The following NRG3 variants were observed in gnomAD, a reference collection of about 807,000 sequenced individuals.
NRG3 encodes neuregulin 3.
Under a neutral mutation model 66.9 loss-of-function variants are expected in NRG3, and 31 were observed. The observed-to-expected ratio is 0.46, with a 90% CI of 0.35 to 0.63. NRG3 has a LOEUF of 0.63. Among genes scored for constraint, NRG3 ranks in the 20% least tolerant of loss-of-function variants. The pLI is 0.00. For synonymous variants in NRG3, 393 were observed against 359.4 expected, an observed-to-expected ratio of 1.09 and a Z score of -1.06; for missense variants, 910 against 878.9, an observed-to-expected ratio of 1.04 and a Z score of -0.45.
chr10:82,914,002 C>G (rs1211117367), intron 4 of NRG3, among the ~76,000 whole-genome samples: 1 of 152,054 alleles, frequency 6.6e-6, no homozygotes. Context: ...TTATTTTTCT[C>G]TTTGCTTTTC....
intron 2 of NRG3, among the ~76,000 whole-genome samples, chr10:82,569,287 T>A (rs1020270151): frequency 4.0e-5 from 6 of 151,750 alleles, no homozygotes; most frequent in Non-Finnish European, 8.8e-5. Context: ...TTGGATTAGA[T>A]ATTTTAAAAC....
At chr10:82,299,176 G>T (rs1324654848) in intron 1 of NRG3, among the ~76,000 whole-genome samples, 1 of 152,154 alleles carries the variant, frequency 6.6e-6, no homozygotes, top group African/African-American at 2.4e-5. Flanking sequence ...CAAGTGAGAG[G>T]CAAGAAGAGT....
chr10:82,968,625 A>G (rs1162972659), intron 6 of NRG3, among the ~76,000 whole-genome samples: 1 of 148,032 alleles, frequency 6.8e-6, no homozygotes, highest in Non-Finnish European at 1.5e-5. Flanking sequence ...AAGATGAATT[A>G]GGCTTTTTGA....
At chr10:82,043,863 A>G (rs772100156) in intron 1 of NRG3, among the ~76,000 whole-genome samples, 44 of 152,104 alleles carry the variant, frequency 2.9e-4, no homozygotes, top group Non-Finnish European at 6.0e-4. Flanking sequence ...TTCCTGCTGC[A>G]TATTTCTGGT....
rs896730068 is a variant in NRG3, at chr10:82,491,441, A to G, written c.953+132573A>G. 3.3e-5 allele frequency among the ~76,000 whole-genome samples: 5 copies of G among 151,238 alleles called. No homozygotes were observed. The Admixed American group carries it at 3.3e-4, about 10-fold the overall frequency. On this transcript the variant is annotated intron_variant, in intron 2 of 8. Transcript: ENST00000372141. ...AGGGCATAAATTTGGTCTTTTTACC[A>G]CTAGTGTATTTTGAGCACTTAAAAC...
intron 7 of NRG3, among the ~76,000 whole-genome samples, chr10:82,976,599 T>G (rs79339067): frequency 6.6e-6 from 1 of 152,202 alleles, no homozygotes; most frequent in Admixed American, 6.5e-5. Flanking sequence ...ATCTTCCTTT[T>G]GTCACTCCCT....
chr10:82,538,885 A>C (rs1258905446), intron 2 of NRG3, among the ~76,000 whole-genome samples: 1 of 152,144 alleles, frequency 6.6e-6, no homozygotes, highest in Non-Finnish European at 1.5e-5. Flanking sequence ...ATCACCAAAC[A>C]TTGAAGTTTG....
At chr10:82,043,263 G>A (rs1006020794) in intron 1 of NRG3, among the ~76,000 whole-genome samples, 6 of 151,874 alleles carry the variant, frequency 4.0e-5, no homozygotes, top group African/African-American at 1.4e-4. Flanking sequence ...TACCTGAGAG[G>A]GAAGAAAACA....
At chr10:82,150,535 A>AAAAAAAAAAAAAAAAAAAC in intron 1 of NRG3, among the ~76,000 whole-genome samples, 1 of 146,956 alleles carries the variant, frequency 6.8e-6, no homozygotes, top group Non-Finnish European at 1.5e-5. Context: ...ACACACAAAA[A>AAAAAAAAAAAAAAAAAAAC]AAAAAAAAAA....
Position 81,876,137 on chromosome 10 carries a change from C to T in NRG3, c.797C>T (p.Pro266Leu), listed in dbSNP as rs778014606. 1.3e-6 allele frequency: 2 copies of T among 1,598,378 alleles called. No homozygotes were observed. The highest frequency in any genetic ancestry group is 1.7e-6 in the Non-Finnish European group (2 of 1,172,440). ...TCCTCCTCCGCTACCACCACCACAC[C>T]AGAAACTAGCACCAGCCCCAAATTT... Reference protein sequence around the residue: ...SSSSSATTTTPETSTSPKFHT... With the variant: ...SSSSSATTTTLETSTSPKFHT... The change falls in exon 1 of 9, where the codon CCA (proline) becomes CTA (leucine). Residue 266 changes from proline to leucine, a missense_variant. Physicochemically the swap from Pro to Leu is moderately conservative, Grantham distance 98. Transcript: ENST00000372141.
At chr10:82,871,284 CT>C (rs34420488) in intron 4 of NRG3, among the ~76,000 whole-genome samples, 89,470 of 146,132 alleles carry the variant, frequency 0.61, 28,122 homozygotes, top group African/African-American at 0.8. Flanking sequence ...AACTATTTGT[CT>C]TTTTTTTTTT....
chr10:82,257,717 A>G (rs1465004921), intron 1 of NRG3, among the ~76,000 whole-genome samples: 1 of 152,182 alleles, frequency 6.6e-6, no homozygotes, highest in Admixed American at 6.5e-5. Context: ...CAGTGAGCCA[A>G]GATCACACCA....
chr10:82,907,350 G>T (rs771554011), intron 4 of NRG3, among the ~76,000 whole-genome samples: 2 of 152,100 alleles, frequency 1.3e-5, no homozygotes, highest in Non-Finnish European at 2.9e-5. Context: ...GCTATATTAT[G>T]ATTTTATAAT....
At position 82,930,229 on chromosome 10, in the gene NRG3, C is replaced by T. The variant is rs17101103; in HGVS notation, c.1055-21240C>T. ...AGAACCTGCACACCAGTTTTTTATT[C>T]ACAGTTTCCCCTTGTGTGGCAATTT... On this transcript the variant is annotated intron_variant, in intron 4 of 8. Coordinates refer to ENST00000372141, the MANE Select transcript of NRG3 (RefSeq NM_001010848.4). 5.9e-5 allele frequency among the ~76,000 whole-genome samples: 9 copies of T among 152,282 alleles called. No homozygotes were observed. In the East Asian group the frequency reaches 1.5e-3, roughly 26 times the overall value.
At chr10:81,978,124 CT>C (rs376164385) in intron 1 of NRG3, among the ~76,000 whole-genome samples, 42 of 152,138 alleles carry the variant, frequency 2.8e-4, no homozygotes, top group African/African-American at 1.0e-3. Context: ...GAACTTTTTC[CT>C]CTTATGTAGC....
intron 2 of NRG3, among the ~76,000 whole-genome samples, chr10:82,733,678 A>G (rs2134679117): frequency 6.6e-6 from 1 of 152,350 alleles, no homozygotes; most frequent in South Asian, 2.1e-4. Context: ...AGAGTAGCAC[A>G]GTTCTCTCAA....
intron 2 of NRG3, among the ~76,000 whole-genome samples, chr10:82,600,946 C>T (rs1409575892): frequency 6.6e-6 from 1 of 152,064 alleles, no homozygotes; most frequent in Non-Finnish European, 1.5e-5. Flanking sequence ...CCACATCTGC[C>T]TCCCACCCCT....
At chr10:82,830,902 C>T (rs563708294) in intron 3 of NRG3, among the ~76,000 whole-genome samples, 14 of 152,240 alleles carry the variant, frequency 9.2e-5, no homozygotes, top group Admixed American at 3.3e-4. Flanking sequence ...ATTTCTGGCA[C>T]GATTTACAAA....
At chr10:82,601,986 G>A (rs976479696) in intron 2 of NRG3, among the ~76,000 whole-genome samples, 6 of 150,460 alleles carry the variant, frequency 4.0e-5, no homozygotes, top group Admixed American at 2.0e-4. Context: ...TAGGAGCAAA[G>A]ATGGGAGGGT....
Sources: allele counts gnomAD v4.1 joint callset (sites outside exome capture counted in the v4.1 genomes callset), GRCh38; gene constraint gnomAD v4.1.1; transcripts MANE v1.5; gene names NCBI Gene and HGNC (gene_info 2026-07-23, HGNC 2026-07-21).